FOXP2: variants seen among roughly 807,000 people sequenced by gnomAD.
The protein encoded by FOXP2 is forkhead box protein P2.
A neutral mutation model predicts 115.8 loss-of-function variants in FOXP2; 12 were observed. The observed-to-expected ratio is 0.10, with a 90% CI of 0.07 to 0.17. The LOEUF is 0.17. Among genes scored for constraint, FOXP2 ranks in the 10% least tolerant of loss-of-function variants. The pLI is 1.00. For missense variants in FOXP2, 629 were observed against 843.5 expected, an observed-to-expected ratio of 0.75 and a Z score of 3.15; for synonymous variants, 328 against 297.7, an observed-to-expected ratio of 1.10 and a Z score of -1.05.
chr7:114,147,235 T>C (rs1002204588), intron 1 of FOXP2, among the ~76,000 whole-genome samples: 11 of 152,198 alleles, frequency 7.2e-5, no homozygotes, highest in African/African-American at 2.4e-4. Flanking sequence ...TGATAGGATT[T>C]TGCAAACTGT....
chr7:114,626,381 T>A (rs1804584684), intron 3 of FOXP2, among the ~76,000 whole-genome samples: 1 of 151,804 alleles, frequency 6.6e-6, no homozygotes, highest in South Asian at 2.1e-4. Flanking sequence ...CCCATAAAGT[T>A]CACTTATCAT....
intron 3 of FOXP2, among the ~76,000 whole-genome samples, chr7:114,594,022 T>C (rs928075942): frequency 6.6e-6 from 1 of 151,998 alleles, no homozygotes; most frequent in African/African-American, 2.4e-5. Context: ...ACCTATTTTA[T>C]AAAATAGATT....
intron 6 of FOXP2, among the ~76,000 whole-genome samples, chr7:114,641,278 A>C (rs1315683882): frequency 1.3e-5 from 2 of 152,240 alleles, no homozygotes; most frequent in Admixed American, 6.5e-5. Context: ...TGTAAGTCAA[A>C]TACTGTAAGC....
At chr7:114,369,907 A>C (rs1005467775) in intron 2 of FOXP2, among the ~76,000 whole-genome samples, 9 of 152,198 alleles carry the variant, frequency 5.9e-5, no homozygotes, top group African/African-American at 2.2e-4. Flanking sequence ...TTTCTATTAT[A>C]AACTCAAAGG....
At chr7:114,152,518 G>A (rs1313554418) in intron 1 of FOXP2, among the ~76,000 whole-genome samples, 3 of 152,136 alleles carry the variant, frequency 2.0e-5, no homozygotes, top group Non-Finnish European at 4.4e-5. Context: ...TACAGCACCT[G>A]CTTTTGCATA....
intron 1 of FOXP2, among the ~76,000 whole-genome samples, chr7:114,209,139 TAGTC>T (rs747963457): frequency 1.6e-4 from 25 of 152,312 alleles, no homozygotes; most frequent in Admixed American, 3.9e-4. Context: ...GTTTTCATGA[TAGTC>T]AGTGAGTTCT....
intron 2 of FOXP2, among the ~76,000 whole-genome samples, chr7:114,328,374 C>T (rs995225444): frequency 6.6e-6 from 1 of 151,640 alleles, no homozygotes; most frequent in African/African-American, 2.4e-5. Flanking sequence ...GTAGCTGGGA[C>T]TACAGGTGCC....
chr7:114,487,927 C>A (rs1477716283), intron 2 of FOXP2, among the ~76,000 whole-genome samples: 3 of 152,182 alleles, frequency 2.0e-5, no homozygotes, highest in Non-Finnish European at 4.4e-5. Context: ...GCCTGTTACC[C>A]AATTCCAAAG....
At chr7:114,385,224 A>T (rs550841893) in intron 2 of FOXP2, among the ~76,000 whole-genome samples, 11 of 152,232 alleles carry the variant, frequency 7.2e-5, no homozygotes, top group African/African-American at 2.6e-4. Flanking sequence ...AGGACATAGC[A>T]TAGAGCCTCC....
intron 3 of FOXP2, among the ~76,000 whole-genome samples, chr7:114,596,779 A>G (rs1467485697): frequency 6.6e-6 from 1 of 152,028 alleles, no homozygotes; most frequent in African/African-American, 2.4e-5. Flanking sequence ...ATACATTAGG[A>G]TGATATTCTT....
chr7:114,294,809 C>G (rs960986973), intron 2 of FOXP2, among the ~76,000 whole-genome samples: 2 of 151,870 alleles, frequency 1.3e-5, no homozygotes, highest in Non-Finnish European at 2.9e-5. Context: ...CCACCGCATT[C>G]CAGCCTGGGC....
At chr7:114,570,685 T>C in intron 3 of FOXP2, 1 of 743,628 alleles carries the variant, frequency 1.3e-6, no homozygotes, top group Non-Finnish European at 2.4e-6. Flanking sequence ...TATTCTTCCC[T>C]ATTTTGACCT....
chr7:114,277,593 T>C (rs2129174248), intron 1 of FOXP2, among the ~76,000 whole-genome samples: 1 of 152,226 alleles, frequency 6.6e-6, no homozygotes, highest in Non-Finnish European at 1.5e-5. Flanking sequence ...AGTAAAAATA[T>C]ATATTTTATA....
chr7:114,226,489 G>A (rs949741171), intron 1 of FOXP2, among the ~76,000 whole-genome samples: 1 of 152,034 alleles, frequency 6.6e-6, no homozygotes, highest in African/African-American at 2.4e-5. Context: ...CTATACAATG[G>A]CTAGGCTGTT....
At chr7:114,246,907 T>TA (rs558861600) in intron 1 of FOXP2, among the ~76,000 whole-genome samples, 187 of 152,272 alleles carry the variant, frequency 1.2e-3, no homozygotes, top group African/African-American at 4.1e-3. Context: ...TCTTATTTTT[T>TA]AAAAAAATTG....
chr7:114,458,334 T>C (rs535654275), intron 2 of FOXP2, among the ~76,000 whole-genome samples: 1 of 152,040 alleles, frequency 6.6e-6, no homozygotes, highest in Admixed American at 6.6e-5. Flanking sequence ...ATTTGCATAA[T>C]CTTGTGTATT....
chr7:114,176,818 A>G (rs1327803474), intron 1 of FOXP2, among the ~76,000 whole-genome samples: 2 of 152,098 alleles, frequency 1.3e-5, no homozygotes, highest in South Asian at 2.1e-4. Context: ...TTTGTACTCT[A>G]AAAGTCCCAC....
intron 1 of FOXP2, among the ~76,000 whole-genome samples, chr7:114,181,902 G>A (rs769861345): frequency 4.8e-4 from 73 of 152,038 alleles, no homozygotes; most frequent in Non-Finnish European, 9.0e-4. Context: ...ACCTTGCTTT[G>A]TAATATCTTA....
intron 2 of FOXP2, among the ~76,000 whole-genome samples, chr7:114,435,124 C>CT (rs1794281540): frequency 6.6e-6 from 1 of 152,132 alleles, no homozygotes. Context: ...GGTTCAACAA[C>CT]TATAAACCAA....
Sources: allele counts gnomAD v4.1 joint callset (sites outside exome capture counted in the v4.1 genomes callset), GRCh38; gene constraint gnomAD v4.1.1; transcripts MANE v1.5; gene names NCBI Gene and HGNC (gene_info 2026-07-23, HGNC 2026-07-21).